The following VIRMA variants were observed in gnomAD, a reference collection of about 807,000 sequenced individuals.
VIRMA encodes the protein protein virilizer homolog.
VIRMA carries 65 observed loss-of-function variants against 182.4 expected under a neutral mutation model. That is an observed-to-expected ratio of 0.36 (90% confidence interval 0.29 to 0.44). VIRMA has a LOEUF of 0.44. Among genes scored for constraint, VIRMA ranks in the 20% least tolerant of loss-of-function variants. The pLI is 1.00. For synonymous variants in VIRMA, 709 were observed against 743.1 expected, an observed-to-expected ratio of 0.95 and a Z score of 0.75; for missense variants, 1,752 against 2,158.1, an observed-to-expected ratio of 0.81 and a Z score of 3.73.
intron 11 of VIRMA, among the ~76,000 whole-genome samples, chr8:94,512,856 T>A (rs1179185350): frequency 2.0e-5 from 3 of 152,204 alleles, no homozygotes; most frequent in Non-Finnish European, 4.4e-5. Context: ...GTTTCTGGCC[T>A]ACATGGCATA....
intron 13 of VIRMA, chr8:94,510,908 A>C: frequency 8.8e-7 from 1 of 1,132,278 alleles, no homozygotes; most frequent in East Asian, 2.7e-5. Context: ...ACACATGGTA[A>C]GGTGTGGGGG....
chr8:94,550,901 T>C (rs1322559149), intron 1 of VIRMA, among the ~76,000 whole-genome samples: 1 of 152,054 alleles, frequency 6.6e-6, no homozygotes, highest in Non-Finnish European at 1.5e-5. Context: ...TGTATTTTAG[T>C]AGAGACGGGG....
intron 17 of VIRMA, chr8:94,497,848 T>A (rs1455147019): frequency 6.6e-6 from 1 of 152,432 alleles, no homozygotes; most frequent in Non-Finnish European, 1.5e-5. Flanking sequence ...CCATCTCTAC[T>A]AAAAATACAA....
rs369526636 is a variant in VIRMA, at chr8:94,526,719, T to C, written c.1525A>G (p.Ser509Gly). 84 of 1,613,716 alleles carry C rather than the reference T, an allele frequency of 5.2e-5. No homozygotes were observed. The African/African-American group carries it at 8.0e-4, about 15-fold the overall frequency. The stretch of plus-strand genomic sequence containing the variant: ...ATTCCTTCTGTCATACTAATGACAC[T>C]GTCCAAAGCTTTAAAAGCATTTAAC... ...LKLNAFKALDSVISMTEGMEA... is the reference protein window; with the variant it reads ...LKLNAFKALDGVISMTEGMEA... The change falls in exon 8 of 24, where the codon AGT (serine) becomes GGT (glycine). Residue 509 changes from serine to glycine, a missense_variant. This residue lies in a region of VIRMA where 401 missense variants were observed against 455.1 expected (regional missense o/e 0.88). Transcript: ENST00000297591.
chr8:94,509,489 A>G (rs1159749949), intron 15 of VIRMA, among the ~76,000 whole-genome samples, 199 bp downstream of exon 15: 2 of 152,158 alleles, frequency 1.3e-5, no homozygotes, highest in Admixed American at 1.3e-4. Context: ...CTGGCACATA[A>G]AGCAATTACC....
intron 16 of VIRMA, among the ~76,000 whole-genome samples, chr8:94,503,265 A>G (rs900624665): frequency 6.6e-6 from 1 of 152,234 alleles, no homozygotes; most frequent in African/African-American, 2.4e-5. Context: ...GTAATTAAAA[A>G]TGGGAAATTA....
chr8:94,526,409 T>C lies in VIRMA; in HGVS notation c.1835A>G (p.Asp612Gly). ...ACTTATATTTGAGGATTCCAAAAGATCCATATCCATAGAAGCTTCCACCTC... is the reference window on the plus strand; with the variant it reads ...ACTTATATTTGAGGATTCCAAAAGACCCATATCCATAGAAGCTTCCACCTC... ...ENEVEASMDM[D>G]LLESSNISEG... The change falls in exon 8 of 24, where the codon GAT becomes GGT. Residue 612 changes from aspartate (D) to glycine (G), a missense_variant. By Grantham distance (94) the Asp-to-Gly change is moderately conservative (BLOSUM62 -1). Transcript: ENST00000297591. 6.2e-7 allele frequency: 1 copy of C among 1,614,010 alleles called. No individual in the cohort carries two copies. Among genetic ancestry groups the C allele is most frequent in the Non-Finnish European group, 8.5e-7 (1 of 1,179,964 alleles).
chr8:94,499,649 G>C, intron 16 of VIRMA, 143 bp from the exon 17 acceptor site: 1 of 503,182 alleles, frequency 2.0e-6, no homozygotes, highest in Non-Finnish European at 3.3e-6. Flanking sequence ...GTGTGTCTTT[G>C]TACACAAATA....
At chr8:94,522,164 AT>A (rs1352069694) in intron 8 of VIRMA, among the ~76,000 whole-genome samples, 1 of 152,236 alleles carries the variant, frequency 6.6e-6, no homozygotes, top group Non-Finnish European at 1.5e-5. Flanking sequence ...TGATATAATT[AT>A]TCCACAATGT....
intron 13 of VIRMA, chr8:94,510,872 A>T: frequency 1.1e-6 from 1 of 888,424 alleles, no homozygotes; most frequent in South Asian, 2.0e-5. Flanking sequence ...CCATTGGTGA[A>T]GCAATCTAGT....
At chr8:94,515,221 C>T (rs183050576) in intron 10 of VIRMA, among the ~76,000 whole-genome samples, 2 of 151,874 alleles carry the variant, frequency 1.3e-5, no homozygotes, top group East Asian at 1.9e-4. Flanking sequence ...CTCAGCCTCC[C>T]GAGTAGCTGG....
intron 5 of VIRMA, among the ~76,000 whole-genome samples, chr8:94,531,544 C>A (rs1391173895): frequency 1.3e-5 from 2 of 152,196 alleles, no homozygotes; most frequent in Admixed American, 1.3e-4. Flanking sequence ...TACTTGTCAT[C>A]ATTTCAGACT....
chr8:94,522,706 G>C (rs1309062981), intron 8 of VIRMA, among the ~76,000 whole-genome samples: 1 of 152,022 alleles, frequency 6.6e-6, no homozygotes, highest in East Asian at 1.9e-4. Flanking sequence ...GTCACTATAA[G>C]CACAATATTT....
chr8:94,488,678 T>C lies in VIRMA; in HGVS notation c.*28A>G. 2 of 1,610,840 alleles carry C rather than the reference T, an allele frequency of 1.2e-6. No homozygotes were observed. Among genetic ancestry groups the C allele is most frequent in the Non-Finnish European group, 1.7e-6 (2 of 1,177,476 alleles). On this transcript the variant is annotated 3_prime_UTR_variant, in exon 24 of 24. Coordinates refer to ENST00000297591, the MANE Select transcript of VIRMA (RefSeq NM_015496.5). ...TTATTGTCCTCGTGAAATGTTCATA[T>C]ACAGTTAAGATGTTCCCAAAAGGAT... is the stretch of plus-strand genomic sequence containing the variant.
Position 94,526,759 on chromosome 8 carries a change from T to C in VIRMA, c.1485A>G (p.Val495=), listed in dbSNP as rs34299236. The change falls in exon 8 of 24, where the codon GTA becomes GTG. Residue 495 remains valine (V), a synonymous_variant. Coordinates refer to ENST00000297591, the MANE Select transcript of VIRMA (RefSeq NM_015496.5). ...AAGCATTTAACTTAAGAGAAGATGA[T>C]ACGTGATCAGCAAACAGAAGTTCAA... is the stretch of plus-strand genomic sequence containing the variant. ...GLFELLFADH[V]SSSLKLNAFK... 12 of 1,614,048 alleles carry C rather than the reference T, an allele frequency of 7.4e-6. No individual in the cohort carries two copies. The African/African-American group carries it at 1.6e-4, about 22-fold the overall frequency.
chr8:94,535,572 C>A (rs1271193040), intron 4 of VIRMA, among the ~76,000 whole-genome samples: 1 of 152,084 alleles, frequency 6.6e-6, no homozygotes, highest in East Asian at 1.9e-4. Context: ...ATCACAAGGT[C>A]AGGAGTTGAA....
In VIRMA at chr8:94,538,268, C is replaced by T. The variant is rs1467279107; in HGVS notation, c.258G>A (p.Arg86=). 6.2e-7 allele frequency: 1 copy of T among 1,609,938 alleles called. No individual in the cohort carries two copies. Among genetic ancestry groups the T allele is most frequent in the Non-Finnish European group, 8.5e-7 (1 of 1,176,438 alleles). The change falls in exon 3 of 24, where the codon AGG becomes AGA. Residue 86 remains arginine (R), a synonymous_variant. Transcript: ENST00000297591. ...VSKPSAPVFD[R]LGSLEYDENT... ...ACCTAGCAGGTACATACCTTCCCAA[C>T]CTATCGAAAACAGGGGCACTTGGTT...
rs150253373 is a variant in VIRMA, at chr8:94,552,958, G to C, written c.63+427C>G. On this transcript the variant is annotated intron_variant, in intron 1 of 23. Coordinates refer to ENST00000297591, the MANE Select transcript of VIRMA (RefSeq NM_015496.5). Reference sequence around the variant, plus strand: ...AATTCCCGACAGAAAAGAGGCCAAAGAGAAAGGATTTAGAAACATCGTGAT... The same window carrying C: ...AATTCCCGACAGAAAAGAGGCCAAACAGAAAGGATTTAGAAACATCGTGAT... Among the ~76,000 whole-genome samples, 404 of 152,192 alleles carry C rather than the reference G, an allele frequency of 2.7e-3. 1 individual carries two copies. Among genetic ancestry groups the C allele is most frequent in the African/African-American group, 9.2e-3 (381 of 41,506 alleles).
In VIRMA at chr8:94,546,626, T is replaced by C. The variant is rs572532025; in HGVS notation, c.64-2684A>G. Among the ~76,000 whole-genome samples, 54 of 151,192 alleles carry C rather than the reference T, an allele frequency of 3.6e-4. 6 individuals are homozygous for C. The highest frequency in any genetic ancestry group is 1.3e-3 in the African/African-American group (54 of 40,478). On this transcript the variant is annotated intron_variant, in intron 1 of 23. Coordinates refer to ENST00000297591, the MANE Select transcript of VIRMA (RefSeq NM_015496.5). ...TGGTTGTTTACATGGATAAGTTCTT[T>C]AACGGTGATTTCTGAGATTTTAGTG...
Sources: gnomAD v4.1 joint callset for allele counts (sites outside exome capture counted in the v4.1 genomes callset) on GRCh38, gnomAD v4.1.1 for gene constraint, gnomAD v4.1.1 regional missense constraint, MANE v1.5 for transcripts, NCBI Gene and HGNC (gene_info 2026-07-23, HGNC 2026-07-21) for gene names.